The following ATXN7 variants were observed in gnomAD, a reference collection of about 807,000 sequenced individuals.
The protein encoded by ATXN7 is ataxin 7.
Under a neutral mutation model 70.5 loss-of-function variants are expected in ATXN7, and 12 were observed. That is an observed-to-expected ratio of 0.17 (90% CI 0.11 to 0.28). The LOEUF (loss-of-function observed/expected upper bound fraction) is 0.28, where lower values mean the gene tolerates loss of function less well. Among genes scored for constraint, ATXN7 ranks in the 10% least tolerant of loss-of-function variants. The pLI is 1.00. For missense variants in ATXN7, 1,256 were observed against 1,131.7 expected (o/e 1.11, Z -1.58); for synonymous variants, 498 against 448.7 (o/e 1.11, Z -1.39).
chr3:63,998,372 A>G (rs1423306791), intron 12 of ATXN7: 2 of 983,976 alleles, frequency 2.0e-6, no homozygotes, highest in Non-Finnish European at 2.4e-6. Flanking sequence ...ATATATATGT[A>G]TACACACACG....
At chr3:63,976,971 C>T (rs1451509784) in intron 5 of ATXN7, among the ~76,000 whole-genome samples, 3 of 152,144 alleles carry the variant, frequency 2.0e-5, no homozygotes, top group Middle Eastern at 3.4e-3. Context: ...TTGTGGAAGG[C>T]GTGGGAAGGG....
At chr3:63,953,359 G>GA (rs776402371) in intron 5 of ATXN7, among the ~76,000 whole-genome samples, 2 of 152,176 alleles carry the variant, frequency 1.3e-5, no homozygotes, top group Non-Finnish European at 2.9e-5. Context: ...CCAGCACACA[G>GA]AAGGCCCGTG....
chr3:63,913,314 A>ACCGACTCCCCGACTCC, intron 4 of ATXN7, 89 bp downstream of exon 4: 1 of 1,330,212 alleles, frequency 7.5e-7, no homozygotes, highest in South Asian at 1.2e-5. Flanking sequence ...AGCCCACCAT[A>ACCGACTCCCCGACTCC]CCGACTCCCC....
chr3:63,928,402 C>A (rs538874791), intron 4 of ATXN7, among the ~76,000 whole-genome samples: 1 of 124,034 alleles, frequency 8.1e-6, no homozygotes, highest in South Asian at 2.3e-4. Context: ...TGGTTGCATA[C>A]CCATTTTTTT....
At chr3:63,889,210 C>G (rs1241906466) in intron 1 of ATXN7, among the ~76,000 whole-genome samples, 4 of 152,214 alleles carry the variant, frequency 2.6e-5, no homozygotes, top group South Asian at 2.1e-4. Flanking sequence ...GAAAATTACC[C>G]TGGGAAAAGT....
chr3:63,934,175 CT>C (rs977276931), intron 4 of ATXN7, among the ~76,000 whole-genome samples: 4 of 152,294 alleles, frequency 2.6e-5, no homozygotes, highest in African/African-American at 9.6e-5. Flanking sequence ...AAACCACCCC[CT>C]TGTGTCCTGT....
intron 1 of ATXN7, among the ~76,000 whole-genome samples, chr3:63,881,238 A>G (rs1442652016): frequency 1.7e-5 from 2 of 120,366 alleles, no homozygotes; most frequent in South Asian, 3.5e-4. Flanking sequence ...ACTCTTAGCC[A>G]TGCCTTTTTG....
chr3:63,945,293 G>A (rs1296269774), intron 4 of ATXN7, among the ~76,000 whole-genome samples: 4 of 152,202 alleles, frequency 2.6e-5, no homozygotes, highest in South Asian at 2.1e-4. Context: ...AAGAGTAGAC[G>A]TTTGAATACA....
chr3:63,894,577 T>C (rs1322112013), intron 1 of ATXN7, among the ~76,000 whole-genome samples: 1 of 152,148 alleles, frequency 6.6e-6, no homozygotes, highest in Non-Finnish European at 1.5e-5. Flanking sequence ...CAGGCTGGAG[T>C]ACAGTTGCAT....
intron 4 of ATXN7, among the ~76,000 whole-genome samples, chr3:63,930,653 T>C (rs1169546958): frequency 6.6e-6 from 1 of 151,966 alleles, no homozygotes; most frequent in Non-Finnish European, 1.5e-5. Context: ...CTTAGCCCCC[T>C]GAGTAGCTGG....
intron 1 of ATXN7, among the ~76,000 whole-genome samples, chr3:63,879,619 G>A (rs1231412109): frequency 2.0e-5 from 3 of 151,590 alleles, no homozygotes; most frequent in Non-Finnish European, 4.4e-5. Context: ...AGCCTCCCGA[G>A]TAGCTGGGAT....
intron 1 of ATXN7, among the ~76,000 whole-genome samples, chr3:63,871,128 G>A (rs1702580543): frequency 1.3e-5 from 2 of 152,082 alleles, no homozygotes; most frequent in South Asian, 4.1e-4. Context: ...TTATTTTGCA[G>A]CAAGTACACT....
At chr3:63,997,542 CCTCACCTGTAG>C (rs1559664273) in intron 12 of ATXN7, 3 of 1,225,280 alleles carry the variant, frequency 2.4e-6, no homozygotes, top group East Asian at 5.1e-5. Context: ...CTGTTACTGA[CCTCACCTGTAG>C]CTGTTTCTTC....
At chr3:63,908,362 C>T (rs924302277) in intron 2 of ATXN7, among the ~76,000 whole-genome samples, 12 of 152,176 alleles carry the variant, frequency 7.9e-5, no homozygotes, top group African/African-American at 2.6e-4. Flanking sequence ...TGGAGAAGAA[C>T]GAGGAAAGGG....
intron 5 of ATXN7, among the ~76,000 whole-genome samples, chr3:63,973,608 G>GC (rs2075349144): frequency 6.6e-6 from 1 of 152,178 alleles, no homozygotes; most frequent in African/African-American, 2.4e-5. Flanking sequence ...CGCTGGGTGT[G>GC]CCGCAGCTTG....
At chr3:63,905,121 T>G (rs1703789388) in intron 2 of ATXN7, 1 of 152,222 alleles carries the variant, frequency 6.6e-6, no homozygotes, top group African/African-American at 2.4e-5. Flanking sequence ...GTTTTCATTT[T>G]CTTGATGGCA....
At chr3:63,951,677 T>G (rs1288557905) in intron 4 of ATXN7, among the ~76,000 whole-genome samples, 4 of 152,208 alleles carry the variant, frequency 2.6e-5, no homozygotes, top group Non-Finnish European at 5.9e-5. Flanking sequence ...TACTTTCAGT[T>G]TTCATGTATA....
At chr3:63,940,355 C>G (rs1247383862) in intron 4 of ATXN7, among the ~76,000 whole-genome samples, 1 of 151,404 alleles carries the variant, frequency 6.6e-6, no homozygotes, top group African/African-American at 2.4e-5. Flanking sequence ...GGGAGCCTTA[C>G]GGCAGACATA....
At chr3:63,984,308 C>G (rs553914732) in intron 8 of ATXN7, among the ~76,000 whole-genome samples, 2 of 152,186 alleles carry the variant, frequency 1.3e-5, no homozygotes, top group South Asian at 4.1e-4. Context: ...CACCCCCACC[C>G]CAAGCCCATC....
Sources: gnomAD v4.1 joint callset for allele counts (sites outside exome capture counted in the v4.1 genomes callset) on GRCh38, gnomAD v4.1.1 for gene constraint, MANE v1.5 for transcripts, NCBI Gene and HGNC (gene_info 2026-07-23, HGNC 2026-07-21) for gene names.